FAF1: variants seen among roughly 807,000 people sequenced by gnomAD.
The protein encoded by FAF1 is FAS-associated factor 1.
A neutral mutation model predicts 92.5 loss-of-function variants in FAF1; 25 were observed. That is an observed-to-expected ratio of 0.27 (90% CI 0.20 to 0.38). FAF1 has a LOEUF of 0.38. Among genes scored for constraint, FAF1 ranks in the 10% least tolerant of loss-of-function variants. The pLI is 1.00. For synonymous variants in FAF1, 234 were observed against 273.2 expected, an observed-to-expected ratio of 0.86 and a Z score of 1.42; for missense variants, 636 against 793.3, an observed-to-expected ratio of 0.80 and a Z score of 2.38.
chr1:50,441,754 G>A (rs1646169102), intron 18 of FAF1, among the ~76,000 whole-genome samples: 1 of 152,104 alleles, frequency 6.6e-6, no homozygotes, highest in Non-Finnish European at 1.5e-5. Context: ...AAGTTTGGTG[G>A]AGGTACCTTT....
intron 8 of FAF1, among the ~76,000 whole-genome samples, chr1:50,636,946 A>G (rs1350902592): frequency 6.6e-6 from 1 of 152,130 alleles, no homozygotes; most frequent in Non-Finnish European, 1.5e-5. Flanking sequence ...AATAAAGAAC[A>G]AACTGTCTCC....
intron 18 of FAF1, chr1:50,471,076 C>T (rs2148996424): frequency 6.6e-6 from 1 of 152,296 alleles, no homozygotes; most frequent in East Asian, 1.9e-4. Context: ...GGTATGAAGG[C>T]TGAAACAAGA....
intron 2 of FAF1, among the ~76,000 whole-genome samples, chr1:50,826,469 G>C (rs1476187553): frequency 6.6e-6 from 1 of 151,866 alleles, no homozygotes; most frequent in South Asian, 2.1e-4. Context: ...AGAATCACTT[G>C]CACCTGGGAG....
At chr1:50,849,201 A>T (rs1371880461) in intron 2 of FAF1, among the ~76,000 whole-genome samples, 1 of 151,614 alleles carries the variant, frequency 6.6e-6, no homozygotes, top group Non-Finnish European at 1.5e-5. Flanking sequence ...CGGGAAGTGG[A>T]GGTTGCAGTG....
At chr1:50,765,558 A>C (rs568694478) in intron 4 of FAF1, among the ~76,000 whole-genome samples, 1 of 152,320 alleles carries the variant, frequency 6.6e-6, no homozygotes, top group African/African-American at 2.4e-5. Flanking sequence ...TGGATACTGT[A>C]GCTCTACTAA....
chr1:50,875,045 T>C (rs780438664), intron 1 of FAF1, among the ~76,000 whole-genome samples: 11 of 151,956 alleles, frequency 7.2e-5, no homozygotes, highest in Non-Finnish European at 1.2e-4. Flanking sequence ...GAGAAAGTTA[T>C]ACCACCATGT....
At chr1:50,654,255 T>TATCAGTATTGATCATTAC (rs1655004111) in intron 8 of FAF1, among the ~76,000 whole-genome samples, 1 of 152,234 alleles carries the variant, frequency 6.6e-6, no homozygotes, top group Non-Finnish European at 1.5e-5. Context: ...ATAATCATTA[T>TATCAGTATTGATCATTAC]TTCAGTATTG....
Position 50,788,216 on chromosome 1 carries a change from G to A in FAF1, c.162-11C>T, listed in dbSNP as rs1210152966. 6.2e-7 allele frequency: 1 copy of A among 1,606,934 alleles called. No homozygotes were observed. The highest frequency in any genetic ancestry group is 1.1e-5 in the South Asian group (1 of 90,886). ...TCACCTCCATATTCACTAAAATGTT[G>A]ACATAAAAGAAGGATTATTGTCAAC... On this transcript the variant is annotated splice_polypyrimidine_tract_variant and intron_variant, in intron 3 of 18. Transcript: ENST00000396153.
At chr1:50,696,240 C>T (rs1488716129) in intron 7 of FAF1, among the ~76,000 whole-genome samples, 1 of 152,054 alleles carries the variant, frequency 6.6e-6, no homozygotes. Context: ...ATAAGGTTTA[C>T]ACTTTCCCAA....
At chr1:50,911,853 C>T (rs1026765183) in intron 1 of FAF1, among the ~76,000 whole-genome samples, 8 of 151,978 alleles carry the variant, frequency 5.3e-5, no homozygotes, top group African/African-American at 1.9e-4. Context: ...GGCAACATGA[C>T]GAAACCCCAT....
chr1:50,739,572 G>A lies in FAF1; in HGVS notation c.460-618C>T, dbSNP rs533575996. The stretch of plus-strand genomic sequence containing the variant: ...GGGACTCAATTACTTTTTCACTGAA[G>A]AAGTATATCCTTGCAAATAATATAT... On this transcript the variant is annotated intron_variant, in intron 5 of 18. Transcript: ENST00000396153. Among the ~76,000 whole-genome samples, 12 of 152,200 alleles carry A rather than the reference G, an allele frequency of 7.9e-5. No homozygotes were observed. In the South Asian group the frequency reaches 1.5e-3, roughly 18 times the overall value.
intron 4 of FAF1, among the ~76,000 whole-genome samples, chr1:50,748,374 G>A (rs1486975768): frequency 1.3e-5 from 2 of 152,114 alleles, no homozygotes; most frequent in Non-Finnish European, 2.9e-5. Context: ...GCACATGCCT[G>A]TAATCCCAGC....
intron 15 of FAF1, among the ~76,000 whole-genome samples, chr1:50,504,810 T>C (rs1413189409): frequency 2.6e-5 from 4 of 152,186 alleles, no homozygotes; most frequent in Non-Finnish European, 5.9e-5. Context: ...GTTATAGTAA[T>C]AGAAATAGTA....
At chr1:50,524,106 T>C (rs1179716903) in intron 15 of FAF1, among the ~76,000 whole-genome samples, 4 of 152,144 alleles carry the variant, frequency 2.6e-5, no homozygotes, top group Non-Finnish European at 5.9e-5. Flanking sequence ...TGTGAGAAGG[T>C]ATCTCATTGT....
At chr1:50,479,493 C>A (rs1015338227) in intron 17 of FAF1, among the ~76,000 whole-genome samples, 1 of 152,192 alleles carries the variant, frequency 6.6e-6, no homozygotes, top group African/African-American at 2.4e-5. Context: ...ATACTGTGAT[C>A]AACATATGAC....
chr1:50,492,054 G>A (rs777475188), intron 15 of FAF1, among the ~76,000 whole-genome samples: 1 of 151,822 alleles, frequency 6.6e-6, no homozygotes, highest in African/African-American at 2.4e-5. Flanking sequence ...ACTTCTCCAG[G>A]TCTCAGTTTC....
At chr1:50,832,961 G>A (rs1230785391) in intron 2 of FAF1, among the ~76,000 whole-genome samples, 1 of 151,794 alleles carries the variant, frequency 6.6e-6, no homozygotes, top group Non-Finnish European at 1.5e-5. Flanking sequence ...GTCCTTTTTT[G>A]CAGCGAAGAC....
intron 17 of FAF1, among the ~76,000 whole-genome samples, chr1:50,479,487 T>A (rs1352149681): frequency 6.6e-6 from 1 of 152,232 alleles, no homozygotes; most frequent in Non-Finnish European, 1.5e-5. Context: ...TATGTAATAC[T>A]GTGATCAACA....
At chr1:50,762,276 A>G (rs1286386108) in intron 4 of FAF1, among the ~76,000 whole-genome samples, 1 of 152,236 alleles carries the variant, frequency 6.6e-6, no homozygotes, top group African/African-American at 2.4e-5. Context: ...AATATAATTT[A>G]TAGATTCAAT....
Sources: allele counts gnomAD v4.1 joint callset (sites outside exome capture counted in the v4.1 genomes callset), GRCh38; gene constraint gnomAD v4.1.1; transcripts MANE v1.5; gene names NCBI Gene and HGNC (gene_info 2026-07-23, HGNC 2026-07-21).